Variants in MDGA2 observed in about 807,000 individuals in gnomAD.
MDGA2 encodes the protein MAM domain containing glycosylphosphatidylinositol anchor 2.
Under a neutral mutation model 117.8 loss-of-function variants are expected in MDGA2, and 40 were observed. That is an observed-to-expected ratio of 0.34 (90% CI 0.26 to 0.44). The LOEUF (loss-of-function observed/expected upper bound fraction) is 0.44, where lower values mean the gene tolerates loss of function less well. Among genes scored for constraint, MDGA2 ranks in the 20% least tolerant of loss-of-function variants. The pLI is 1.00. For missense variants in MDGA2, 1,123 were observed against 1,250.6 expected, an observed-to-expected ratio of 0.90 and a Z score of 1.54; for synonymous variants, 452 against 439.0, an observed-to-expected ratio of 1.03 and a Z score of -0.37.
At chr14:47,082,905 C>T (rs940118943) in intron 6 of MDGA2, among the ~76,000 whole-genome samples, 2 of 150,832 alleles carry the variant, frequency 1.3e-5, no homozygotes, top group African/African-American at 4.9e-5. Context: ...GTAAAGTTTA[C>T]AATGAAAAAA....
chr14:47,182,840 T>C (rs1884762709), intron 3 of MDGA2, among the ~76,000 whole-genome samples: 1 of 152,194 alleles, frequency 6.6e-6, no homozygotes, highest in South Asian at 2.1e-4. Flanking sequence ...GACTGCTTTT[T>C]TGGGTTTTTT....
intron 1 of MDGA2, among the ~76,000 whole-genome samples, chr14:47,401,816 A>T (rs1892155093): frequency 6.6e-6 from 1 of 152,224 alleles, no homozygotes; most frequent in South Asian, 2.1e-4. Context: ...TTTGCTGAGT[A>T]AATTAAGTGA....
At chr14:47,203,354 T>G (rs1268857206) in intron 3 of MDGA2, among the ~76,000 whole-genome samples, 1 of 151,666 alleles carries the variant, frequency 6.6e-6, no homozygotes, top group Non-Finnish European at 1.5e-5. Context: ...GGAAAGAGAT[T>G]TGTTTTGTGG....
rs1893206717 is a variant in MDGA2, at chr14:47,449,995, C to T, written c.281-148445G>A. Among the ~76,000 whole-genome samples the T allele has an allele frequency of 2.0e-5, 3 of 152,128 alleles. No homozygotes were observed. In the South Asian group the frequency reaches 6.2e-4, roughly 32 times the overall value. ...TTCTTTTGCTACAATTTAGTCACTACTTTTTAAAAACTGTCATAGAAGTGA... is the reference window on the plus strand; with the variant it reads ...TTCTTTTGCTACAATTTAGTCACTATTTTTTAAAAACTGTCATAGAAGTGA... On this transcript the variant is annotated intron_variant, in intron 1 of 16. Transcript: ENST00000399232.
intron 6 of MDGA2, among the ~76,000 whole-genome samples, chr14:47,083,744 A>G (rs1191139110): frequency 6.6e-6 from 1 of 152,100 alleles, no homozygotes; most frequent in Non-Finnish European, 1.5e-5. Flanking sequence ...CAAAATATAT[A>G]TATCATGCAA....
chr14:47,355,550 G>A (rs1366676710), intron 1 of MDGA2, among the ~76,000 whole-genome samples: 2 of 152,012 alleles, frequency 1.3e-5, no homozygotes, highest in African/African-American at 2.4e-5. Flanking sequence ...GGACCCTATA[G>A]ATATAGTGCA....
At chr14:47,542,239 TCTG>T (rs1437297664) in intron 1 of MDGA2, among the ~76,000 whole-genome samples, 1 of 152,252 alleles carries the variant, frequency 6.6e-6, no homozygotes, top group Non-Finnish European at 1.5e-5. Flanking sequence ...GTTCCATGAT[TCTG>T]CGACTACATG....
intron 8 of MDGA2, among the ~76,000 whole-genome samples, chr14:47,021,095 AT>A (rs1475434859): frequency 3.3e-5 from 5 of 152,192 alleles, no homozygotes; most frequent in African/African-American, 4.8e-5. Flanking sequence ...CAAAAATAAA[AT>A]AATTTAAGTC....
intron 14 of MDGA2, among the ~76,000 whole-genome samples, chr14:46,869,351 C>CT (rs35619816): frequency 0.046 from 5,446 of 119,070 alleles, 369 homozygotes; most frequent in African/African-American, 0.14. Context: ...CTATGAGATT[C>CT]TTTTTTTTTT....
chr14:47,373,450 A>G (rs564793816), intron 1 of MDGA2, among the ~76,000 whole-genome samples: 1 of 152,318 alleles, frequency 6.6e-6, no homozygotes, highest in South Asian at 2.1e-4. Flanking sequence ...TGGCATATCC[A>G]TATAATGAAA....
intron 8 of MDGA2, among the ~76,000 whole-genome samples, chr14:46,958,464 G>A (rs1053272214): frequency 2.0e-5 from 3 of 152,152 alleles, no homozygotes; most frequent in Non-Finnish European, 2.9e-5. Context: ...GGATTTATAT[G>A]ATCAAATAAT....
chr14:47,614,904 T>C (rs1403489066), intron 1 of MDGA2, among the ~76,000 whole-genome samples: 1 of 152,212 alleles, frequency 6.6e-6, no homozygotes, highest in African/African-American at 2.4e-5. Context: ...ATATTGTATC[T>C]ATTAAGGATT....
rs139992463 is a variant in MDGA2, at chr14:47,623,021, C to T, written c.280+51496G>A. ...TCACGTATTGGAAAAAAATCCCCAA[C>T]GCAATAGTGTTGAGAAGTGGGACTA... On this transcript the variant is annotated intron_variant, in intron 1 of 16. Transcript: ENST00000399232. Among the ~76,000 whole-genome samples the T allele has an allele frequency of 9.1e-4, 139 of 152,232 alleles. No individual in the cohort carries two copies. In the Middle Eastern group the frequency reaches 0.01, roughly 11 times the overall value.
chr14:47,433,899 GT>G (rs1892847336), intron 1 of MDGA2, among the ~76,000 whole-genome samples: 1 of 152,108 alleles, frequency 6.6e-6, no homozygotes, highest in African/African-American at 2.4e-5. Context: ...ACAATTATCA[GT>G]CATTGTAAAG....
intron 1 of MDGA2, among the ~76,000 whole-genome samples, chr14:47,385,051 TG>T (rs1183194973): frequency 1.6e-4 from 25 of 152,322 alleles, no homozygotes; most frequent in African/African-American, 6.0e-4. Flanking sequence ...TATATAATCC[TG>T]GGTGAAGCAG....
intron 1 of MDGA2, among the ~76,000 whole-genome samples, chr14:47,433,024 C>A (rs1393262652): frequency 6.6e-6 from 1 of 151,980 alleles, no homozygotes; most frequent in Non-Finnish European, 1.5e-5. Flanking sequence ...CAGGAGCTGT[C>A]CCTGTGGTCA....
chr14:46,855,013 A>G lies in MDGA2; in HGVS notation c.2883+11T>C, dbSNP rs761523469. 6.3e-7 allele frequency: 1 copy of G among 1,585,528 alleles called. No individual in the cohort carries two copies. The highest frequency in any genetic ancestry group is 8.6e-7 in the Non-Finnish European group (1 of 1,169,232). On this transcript the variant is annotated intron_variant, in intron 15 of 16. Coordinates refer to ENST00000399232, the MANE Select transcript of MDGA2 (RefSeq NM_001113498.3). This position sits in a 1 kb window ranked among gnomAD's most constrained non-coding sequence, Gnocchi z 4.1. ...TTACAGCAATTAATTAGCCAAAACT[A>G]CTTTTCTTACCTGAAATGAAGTAAT...
At chr14:47,199,999 AAT>A (rs1885430244) in intron 3 of MDGA2, among the ~76,000 whole-genome samples, 1 of 100,612 alleles carries the variant, frequency 9.9e-6, no homozygotes, top group Non-Finnish European at 2.2e-5. Flanking sequence ...AACCAAATGC[AAT>A]GAATAAGGGT....
intron 5 of MDGA2, among the ~76,000 whole-genome samples, chr14:47,125,026 A>G (rs1172182652): frequency 6.6e-6 from 1 of 152,234 alleles, no homozygotes; most frequent in East Asian, 1.9e-4. Flanking sequence ...ACAAACCTAA[A>G]TAGTCCTTAA....
Sources: allele counts gnomAD v4.1 joint callset (sites outside exome capture counted in the v4.1 genomes callset), GRCh38; gene constraint gnomAD v4.1.1; non-coding constraint Gnocchi (gnomAD v3.1); transcripts MANE v1.5; gene names NCBI Gene and HGNC (gene_info 2026-07-23, HGNC 2026-07-21).